MACROD2: variants seen among roughly 807,000 people sequenced by gnomAD.
The protein encoded by MACROD2 is mono-ADP ribosylhydrolase 2.
A neutral mutation model predicts 70.4 loss-of-function variants in MACROD2; 36 were observed. That is an observed-to-expected ratio of 0.51 (90% confidence interval 0.39 to 0.68). The LOEUF (loss-of-function observed/expected upper bound fraction) is 0.68, where lower values mean the gene tolerates loss of function less well. MACROD2 is among the 30% of genes least tolerant of loss of function. The pLI is 0.00. For missense variants in MACROD2, 496 were observed against 538.4 expected (o/e 0.92, Z 0.78); for synonymous variants, 172 against 178.8 (o/e 0.96, Z 0.30).
chr20:15,592,859 C>G (rs1373653202), intron 8 of MACROD2, among the ~76,000 whole-genome samples: 3 of 152,126 alleles, frequency 2.0e-5, no homozygotes, highest in Non-Finnish European at 4.4e-5. Context: ...TTTTTCAAAG[C>G]TTTCTCTTCT....
At chr20:14,735,920 C>T (rs2123710558) in intron 5 of MACROD2, among the ~76,000 whole-genome samples, 1 of 152,078 alleles carries the variant, frequency 6.6e-6, no homozygotes, top group East Asian at 1.9e-4. Flanking sequence ...TTTCGTGATT[C>T]TTCAATATGT....
intron 8 of MACROD2, among the ~76,000 whole-genome samples, chr20:15,777,493 T>C (rs556463380): frequency 5.4e-5 from 8 of 148,628 alleles, no homozygotes; most frequent in African/African-American, 2.0e-4. Flanking sequence ...TGATTCTTTT[T>C]TTTCCTTCCT....
chr20:14,591,631 G>A (rs1384200550), intron 4 of MACROD2, among the ~76,000 whole-genome samples: 1 of 152,136 alleles, frequency 6.6e-6, no homozygotes, highest in African/African-American at 2.4e-5. Context: ...AACATAGTGT[G>A]GTGTCTAGAA....
intron 4 of MACROD2, among the ~76,000 whole-genome samples, chr20:14,587,150 T>A (rs1981436977): frequency 6.6e-6 from 1 of 151,884 alleles, no homozygotes. Flanking sequence ...CCTTTATATT[T>A]GTTTCTAGGT....
intron 3 of MACROD2, among the ~76,000 whole-genome samples, chr20:14,119,910 C>T (rs1316894191): frequency 6.6e-6 from 1 of 151,868 alleles, no homozygotes; most frequent in African/African-American, 2.4e-5. Flanking sequence ...AGACACTTCT[C>T]GAAAGAAGAC....
intron 8 of MACROD2, among the ~76,000 whole-genome samples, chr20:15,563,928 C>T (rs1010159618): frequency 2.6e-5 from 4 of 152,122 alleles, no homozygotes; most frequent in African/African-American, 7.2e-5. Context: ...ATTTTTCTTT[C>T]CTTTTTCCGT....
intron 4 of MACROD2, among the ~76,000 whole-genome samples, chr20:14,563,246 C>A (rs1979554366): frequency 6.6e-6 from 1 of 151,740 alleles, no homozygotes; most frequent in South Asian, 2.1e-4. Context: ...GGGCAAAGTT[C>A]TTGCACAAGT....
chr20:14,558,625 C>G (rs60273334), intron 4 of MACROD2, among the ~76,000 whole-genome samples: 3,687 of 151,780 alleles, frequency 0.024, 110 homozygotes, highest in Middle Eastern at 0.065. Context: ...AACAATTTAT[C>G]AGGAAAACAT....
intron 5 of MACROD2, among the ~76,000 whole-genome samples, chr20:14,689,081 G>C (rs1247369369): frequency 2.6e-5 from 4 of 151,908 alleles, no homozygotes; most frequent in Admixed American, 1.3e-4. Flanking sequence ...ACTCACACAG[G>C]CTGCTTTGTG....
At chr20:14,887,135 T>G (rs1036091790) in intron 5 of MACROD2, among the ~76,000 whole-genome samples, 1 of 152,106 alleles carries the variant, frequency 6.6e-6, no homozygotes, top group African/African-American at 2.4e-5. Context: ...TGGCTGTATG[T>G]GTGCATACAT....
At chr20:15,050,097 A>G (rs1429378693) in intron 5 of MACROD2, among the ~76,000 whole-genome samples, 2 of 152,184 alleles carry the variant, frequency 1.3e-5, no homozygotes, top group African/African-American at 4.8e-5. Context: ...TCCTTAAGAA[A>G]CAATATTTTA....
intron 5 of MACROD2, among the ~76,000 whole-genome samples, chr20:15,071,062 T>G (rs2075615663): frequency 2.0e-5 from 3 of 152,172 alleles, no homozygotes; most frequent in Admixed American, 2.0e-4. Flanking sequence ...ACAATGGGCT[T>G]TGGCTCTATT....
At chr20:14,854,811 TC>T (rs1376271895) in intron 5 of MACROD2, among the ~76,000 whole-genome samples, 20 of 152,088 alleles carry the variant, frequency 1.3e-4, no homozygotes, top group African/African-American at 4.6e-4. Flanking sequence ...GGCCAGGAGA[TC>T]GAGACCATCC....
At chr20:15,013,973 A>AGCCATG (rs1795497150) in intron 5 of MACROD2, among the ~76,000 whole-genome samples, 1 of 152,218 alleles carries the variant, frequency 6.6e-6, no homozygotes, top group African/African-American at 2.4e-5. Context: ...CACCAGTGAA[A>AGCCATG]GCCATGGCCA....
At chr20:15,749,490 TAAAA>T (rs1182758806) in intron 8 of MACROD2, among the ~76,000 whole-genome samples, 2 of 152,086 alleles carry the variant, frequency 1.3e-5, no homozygotes, top group Non-Finnish European at 2.9e-5. Flanking sequence ...TGTATTGAAT[TAAAA>T]AAAGAATAAA....
intron 5 of MACROD2, among the ~76,000 whole-genome samples, chr20:15,102,175 G>A (rs1477890174): frequency 6.6e-6 from 1 of 151,836 alleles, no homozygotes; most frequent in Admixed American, 6.6e-5. Flanking sequence ...ATACAGACAG[G>A]CAAATAAAAA....
intron 8 of MACROD2, among the ~76,000 whole-genome samples, chr20:15,717,907 A>G (rs1185535449): frequency 6.6e-6 from 1 of 152,054 alleles, no homozygotes; most frequent in Non-Finnish European, 1.5e-5. Context: ...GATCAGCAAG[A>G]GTGGTTGGAC....
At chr20:14,412,295 A>G (rs116199578) in intron 3 of MACROD2, among the ~76,000 whole-genome samples, 2,201 of 152,216 alleles carry the variant, frequency 0.014, 50 homozygotes, top group African/African-American at 0.05. Flanking sequence ...TTATCTTGAT[A>G]TTTCTCTGCT....
At chr20:14,907,783 C>T (rs546503056) in intron 5 of MACROD2, among the ~76,000 whole-genome samples, 7 of 152,132 alleles carry the variant, frequency 4.6e-5, no homozygotes, top group Admixed American at 6.5e-5. Flanking sequence ...TCATGTCCAA[C>T]GAAAGAGTTT....
Sources: allele counts gnomAD v4.1 joint callset (sites outside exome capture counted in the v4.1 genomes callset), GRCh38; gene constraint gnomAD v4.1.1; transcripts MANE v1.5; gene names NCBI Gene and HGNC (gene_info 2026-07-23, HGNC 2026-07-21).